LRP8: variants seen among roughly 807,000 people sequenced by gnomAD.
LRP8 encodes the protein LDL receptor related protein 8.
In LRP8, 46 loss-of-function variants were observed where a neutral mutation model predicts 111.6. The ratio of observed to expected loss-of-function variants is 0.41; its 90% CI spans 0.33 to 0.53. The LOEUF (loss-of-function observed/expected upper bound fraction) is 0.53, where lower values mean the gene tolerates loss of function less well. Ranked by LOEUF, LRP8 falls within the 20% of genes least tolerant of loss-of-function variation. LRP8 has a pLI of 0.20. For synonymous variants in LRP8, 464 were observed against 511.2 expected, an observed-to-expected ratio of 0.91 and a Z score of 1.24; for missense variants, 959 against 1,297.4, an observed-to-expected ratio of 0.74 and a Z score of 4.01.
At chr1:53,284,243 C>CCACTTACTTACTACATACCCGGGT (rs1647241195) in intron 3 of LRP8, among the ~76,000 whole-genome samples, 2 of 148,074 alleles carry the variant, frequency 1.4e-5, no homozygotes, top group African/African-American at 5.0e-5. Context: ...CATACCCGGG[C>CCACTTACTTACTACATACCCGGGT]CACTTACTTA....
chr1:53,288,101 C>G (rs1345459009), intron 3 of LRP8: 1 of 152,266 alleles, frequency 6.6e-6, no homozygotes, highest in East Asian at 1.9e-4. Flanking sequence ...GTCGGAGTAT[C>G]TGCTGGAGTG....
intron 2 of LRP8, among the ~76,000 whole-genome samples, chr1:53,299,283 G>A (rs965919351): frequency 2.6e-5 from 4 of 152,296 alleles, no homozygotes; most frequent in East Asian, 1.9e-4. Flanking sequence ...GCAGTGGGTC[G>A]CTGCAGCACC....
At chr1:53,300,921 T>C (rs57179153) in intron 2 of LRP8, among the ~76,000 whole-genome samples, 325 of 152,216 alleles carry the variant, frequency 2.1e-3, no homozygotes, top group African/African-American at 7.4e-3. Context: ...CCTCCTCACC[T>C]AGACATTGGA....
intron 6 of LRP8, among the ~76,000 whole-genome samples, 191 bp from the exon 7 acceptor site, chr1:53,271,537 C>T (rs560803008): frequency 1.3e-5 from 2 of 152,130 alleles, no homozygotes; most frequent in South Asian, 2.1e-4. Flanking sequence ...ACAGAGAGGG[C>T]AGGTTCCTAC....
rs1303934643 is a variant in LRP8 at position 53,266,902 on chromosome 1, C to T, written c.1253-255G>A. 2 of 435,014 alleles carry T rather than the reference C, an allele frequency of 4.6e-6. No homozygotes were observed. Among genetic ancestry groups the T allele is most frequent in the Non-Finnish European group, 8.5e-6 (2 of 235,918 alleles). 26.9% of individuals were successfully genotyped at this position (435,014 alleles called of 1,614,324 possible). ...ACTTCTCCAAAATCTTTTATGGCTCCCCATTTTCTCCTTAGGCCTGCACTG... is the reference window on the plus strand; with the variant it reads ...ACTTCTCCAAAATCTTTTATGGCTCTCCATTTTCTCCTTAGGCCTGCACTG... On this transcript the variant is annotated intron_variant, in intron 8 of 18. Coordinates refer to ENST00000306052, the MANE Select transcript of LRP8 (RefSeq NM_004631.5). This position sits in a 1 kb window ranked among gnomAD's most constrained non-coding sequence, Gnocchi z 5.0.
intron 2 of LRP8, among the ~76,000 whole-genome samples, chr1:53,325,328 G>A (rs973028296): frequency 2.0e-5 from 3 of 152,166 alleles, no homozygotes; most frequent in African/African-American, 7.2e-5. Flanking sequence ...TGGTTTGTTT[G>A]TTTTGTTTTT....
intron 3 of LRP8, among the ~76,000 whole-genome samples, chr1:53,283,438 A>T (rs900510422): frequency 2.7e-5 from 4 of 150,296 alleles, no homozygotes; most frequent in African/African-American, 9.8e-5. Flanking sequence ...CTTACTACAT[A>T]CCCGGGCCAC....
intron 2 of LRP8, among the ~76,000 whole-genome samples, chr1:53,311,942 C>A (rs1418494019): frequency 1.3e-5 from 2 of 152,226 alleles, no homozygotes; most frequent in Non-Finnish European, 2.9e-5. Flanking sequence ...GTGGGAAGGG[C>A]CTTGTCGACT....
Position 53,268,576 on chromosome 1 carries a change from C to A in LRP8, c.1253-1929G>T, listed in dbSNP as rs565796230. ...TGGCTGCTGTATTGTTATAATTTATCTGTTGTATATTGTATTTAACTTGCA... is the reference window on the plus strand; with the variant it reads ...TGGCTGCTGTATTGTTATAATTTATATGTTGTATATTGTATTTAACTTGCA... On this transcript the variant is annotated intron_variant, in intron 8 of 18. Transcript: ENST00000306052. The A allele has an allele frequency of 4.6e-5, 7 of 152,262 alleles. No homozygotes were observed. In the South Asian group the frequency reaches 1.5e-3, roughly 32 times the overall value. 9.4% of individuals were successfully genotyped at this position (152,262 alleles called of 1,614,324 possible).
chr1:53,312,655 G>A (rs1245996265), intron 2 of LRP8, among the ~76,000 whole-genome samples: 1 of 152,008 alleles, frequency 6.6e-6, no homozygotes, highest in Non-Finnish European at 1.5e-5. Flanking sequence ...CACTGTGCCT[G>A]GCCTTTTTCT....
chr1:53,319,305 T>C (rs1043934352), intron 2 of LRP8, among the ~76,000 whole-genome samples: 4 of 152,004 alleles, frequency 2.6e-5, no homozygotes, highest in African/African-American at 9.7e-5. Context: ...CAGGGGAGGA[T>C]GGGGGCCAAA....
rs1229134176 is a variant in LRP8, at chr1:53,262,571, G to C, written c.1656-7C>G. The C allele has an allele frequency of 6.2e-7, 1 of 1,612,208 alleles. No individual in the cohort carries two copies. The highest frequency in any genetic ancestry group is 8.5e-7 in the Non-Finnish European group (1 of 1,178,338). On this transcript the variant is annotated splice_region_variant and splice_polypyrimidine_tract_variant and intron_variant, in intron 10 of 18. Transcript: ENST00000306052. This position sits in a 1 kb window ranked among gnomAD's most constrained non-coding sequence, Gnocchi z 4.8. ...GTCAGACCAATACATGAACCTAAAA[G>C]ACAAAATAACCCAATTTGCCTTCTT...
chr1:53,280,205 C>A (rs1251753831), intron 4 of LRP8, among the ~76,000 whole-genome samples: 1 of 152,208 alleles, frequency 6.6e-6, no homozygotes, highest in Non-Finnish European at 1.5e-5. Context: ...TCCCCCTGCC[C>A]TTGCTCCAAG....
rs1645695477 is a variant in LRP8 at position 53,244,844 on chromosome 1, T to C, written c.*2174A>G. The C allele has an allele frequency of 6.6e-6, 1 of 152,224 alleles. No homozygotes were observed. Among genetic ancestry groups the C allele is most frequent in the Non-Finnish European group, 1.5e-5 (1 of 68,030 alleles). 9.4% of individuals were successfully genotyped at this position (152,224 alleles called of 1,614,324 possible). A position where few individuals can be genotyped will look rare whatever the true frequency, so the allele number is the denominator to read the frequency against. ...CCATGTTTTTCACTGTCATCATTTTTCTTCAGTCAAAAATAATTTTACTTT... is the reference window on the plus strand; with the variant it reads ...CCATGTTTTTCACTGTCATCATTTTCCTTCAGTCAAAAATAATTTTACTTT... On this transcript the variant is annotated 3_prime_UTR_variant, in exon 19 of 19. Transcript: ENST00000306052.
chr1:53,314,323 C>A (rs545484518), intron 2 of LRP8, among the ~76,000 whole-genome samples: 16 of 152,252 alleles, frequency 1.1e-4, no homozygotes, highest in Non-Finnish European at 2.4e-4. Flanking sequence ...TCACAGGATG[C>A]AGCTAACATT....
At chr1:53,295,703 C>T (rs1557825760) in intron 2 of LRP8, among the ~76,000 whole-genome samples, 1 of 152,176 alleles carries the variant, frequency 6.6e-6, no homozygotes, top group Non-Finnish European at 1.5e-5. Flanking sequence ...GCATGATGCC[C>T]ACGGTTTATA....
At chr1:53,258,670 A>G (rs1646205614) in intron 13 of LRP8, among the ~76,000 whole-genome samples, 199 bp from the exon 14 acceptor site, 1 of 151,288 alleles carries the variant, frequency 6.6e-6, no homozygotes, top group South Asian at 2.1e-4. Flanking sequence ...TGGATGAATT[A>G]TATAGTGGTG....
chr1:53,327,127 C>T (rs1357482719), intron 1 of LRP8, 135 bp from the exon 2 acceptor site: 2 of 1,232,690 alleles, frequency 1.6e-6, no homozygotes, highest in Non-Finnish European at 2.2e-6. Flanking sequence ...GCTTCAGGCA[C>T]ACTCCATCCA....
At chr1:53,292,762 AC>A (rs1312774348) in intron 2 of LRP8, among the ~76,000 whole-genome samples, 2 of 152,324 alleles carry the variant, frequency 1.3e-5, no homozygotes, top group African/African-American at 4.8e-5. Context: ...GGAAATCCAG[AC>A]CCAGAGATGT....
Sources: allele counts gnomAD v4.1 joint callset (sites outside exome capture counted in the v4.1 genomes callset), GRCh38; gene constraint gnomAD v4.1.1; non-coding constraint Gnocchi (gnomAD v3.1); transcripts MANE v1.5; gene names NCBI Gene and HGNC (gene_info 2026-07-23, HGNC 2026-07-21).